The following SPTLC1 variants were observed in gnomAD, a reference collection of about 807,000 sequenced individuals.
SPTLC1 encodes serine palmitoyltransferase 1.
Under a neutral mutation model 68.9 loss-of-function variants are expected in SPTLC1, and 55 were observed. The ratio of observed to expected loss-of-function variants is 0.80; its 90% CI spans 0.64 to 1.00. The LOEUF (loss-of-function observed/expected upper bound fraction) is 1.00. SPTLC1 is among the 50% of genes least tolerant of loss of function. The probability of loss-of-function intolerance (pLI) is 0.00; values close to 1 mark genes in which losing one functional copy is unlikely to be tolerated. For synonymous variants in SPTLC1, 197 were observed against 201.6 expected, an observed-to-expected ratio of 0.98 and a Z score of 0.19; for missense variants, 449 against 573.1, an observed-to-expected ratio of 0.78 and a Z score of 2.21.
At chr9:92,051,258 T>C (rs1833695105) in intron 8 of SPTLC1, 8 of 984,898 alleles carry the variant, frequency 8.1e-6, no homozygotes, top group Non-Finnish European at 9.6e-6. Flanking sequence ...TGAATCCTTA[T>C]TCAATTAATA....
intron 12 of SPTLC1, among the ~76,000 whole-genome samples, chr9:92,043,603 C>T (rs1248588171): frequency 6.6e-6 from 1 of 152,166 alleles, no homozygotes; most frequent in African/African-American, 2.4e-5. Context: ...TTCTCACTCA[C>T]CCTGCATATG....
chr9:92,115,101 G>C (rs1304724212), intron 1 of SPTLC1: 4 of 600,842 alleles, frequency 6.7e-6, no homozygotes, highest in Admixed American at 2.8e-5. Flanking sequence ...AATTCAAACC[G>C]AGACCCTCAG....
Position 92,032,427 on chromosome 9 carries a change from G to GT in SPTLC1, c.*37dup. 6.2e-7 allele frequency: 1 copy of GT among 1,613,948 alleles called. No individual in the cohort carries two copies. Among genetic ancestry groups the GT allele is most frequent in the East Asian group, 2.2e-5 (1 of 44,876 alleles). On this transcript the variant is annotated 3_prime_UTR_variant, in exon 15 of 15. Coordinates refer to ENST00000262554, the MANE Select transcript of SPTLC1 (RefSeq NM_006415.4). ...AGCGGGAGTCTTGAGTCCTCTCTGC[G>GT]TGTTGTGTGGCAGGAGGCCATGGTC...
intron 8 of SPTLC1, chr9:92,050,898 G>T: frequency 1.4e-6 from 1 of 693,820 alleles, no homozygotes; most frequent in Non-Finnish European, 1.7e-6. Context: ...CTGCAGCCTT[G>T]ACCTCCTGGG....
At chr9:92,074,419 T>C (rs2118642167) in intron 5 of SPTLC1, among the ~76,000 whole-genome samples, 1 of 152,218 alleles carries the variant, frequency 6.6e-6, no homozygotes, top group South Asian at 2.1e-4. Flanking sequence ...TGACTATTCC[T>C]GGACTACAGC....
intron 3 of SPTLC1, among the ~76,000 whole-genome samples, chr9:92,082,627 T>C (rs955951518): frequency 2.8e-4 from 43 of 151,956 alleles, no homozygotes; most frequent in Non-Finnish European, 4.7e-4. Flanking sequence ...ATTTTCTTAA[T>C]CCAGTCTATC....
At position 92,087,337 on chromosome 9, in the gene SPTLC1, A is replaced by G. The variant is rs1296261444; in HGVS notation, c.261-6374T>C. 9.9e-5 allele frequency among the ~76,000 whole-genome samples: 15 copies of G among 152,234 alleles called. No individual in the cohort carries two copies. The East Asian group carries it at 2.5e-3, about 25-fold the overall frequency. ...AGGCTCTCTGCTTTTTAGAGTTTCCAGTTTTTCTGCTCTGTTTTTTCCCCA... is the reference window on the plus strand; with the variant it reads ...AGGCTCTCTGCTTTTTAGAGTTTCCGGTTTTTCTGCTCTGTTTTTTCCCCA... On this transcript the variant is annotated intron_variant, in intron 3 of 14. Coordinates refer to ENST00000262554, the MANE Select transcript of SPTLC1 (RefSeq NM_006415.4).
intron 6 of SPTLC1, among the ~76,000 whole-genome samples, chr9:92,062,146 C>A (rs1348383064): frequency 6.6e-6 from 1 of 151,970 alleles, no homozygotes; most frequent in Non-Finnish European, 1.5e-5. Context: ...TTTATACACA[C>A]AACTATGTAA....
intron 9 of SPTLC1, 127 bp downstream of exon 9, chr9:92,049,833 C>T: frequency 4.0e-6 from 3 of 759,284 alleles, no homozygotes; most frequent in Admixed American, 1.9e-5. Flanking sequence ...GTGACAGACA[C>T]CAAAGTTTCG....
In SPTLC1 at chr9:92,080,047, A is replaced by T. The variant is rs202190439; in HGVS notation, c.396T>A (p.Thr132=). ...TGCCATAAAATCCTCTGGGTCCACA[A>T]GTCCCCACGCCATACTTCTTTAGAG... ...LASLKKYGVG[T]CGPRGFYGTF... is the part of the protein sequence containing the mutation. The change falls in exon 5 of 15, where the codon ACT becomes ACA. Residue 132 remains threonine (T), a synonymous_variant. Transcript: ENST00000262554. 1.9e-6 allele frequency: 3 copies of T among 1,614,134 alleles called. No individual in the cohort carries two copies. The highest frequency in any genetic ancestry group is 4.5e-5 in the East Asian group (2 of 44,882).
chr9:92,064,172 C>A (rs1041387279), intron 6 of SPTLC1, among the ~76,000 whole-genome samples: 1 of 152,148 alleles, frequency 6.6e-6, no homozygotes, highest in Non-Finnish European at 1.5e-5. Context: ...GCTCAGCACA[C>A]AAAAAATCCA....
intron 12 of SPTLC1, among the ~76,000 whole-genome samples, chr9:92,040,408 AC>A (rs1051373664): frequency 1.2e-4 from 19 of 152,048 alleles, no homozygotes; most frequent in African/African-American, 3.6e-4. Flanking sequence ...AACAAAAAAA[AC>A]AACAAAAAAA....
intron 3 of SPTLC1, among the ~76,000 whole-genome samples, chr9:92,107,122 G>T (rs60920634): frequency 0.015 from 2,237 of 152,242 alleles, 63 homozygotes; most frequent in African/African-American, 0.052. Flanking sequence ...TAAACTCACA[G>T]TGAAGAAGGG....
rs1462565691 is a variant in SPTLC1, at chr9:92,052,827, C to T, written c.780+2578G>A. Among the ~76,000 whole-genome samples the T allele has an allele frequency of 9.2e-5, 14 of 151,980 alleles. No individual in the cohort carries two copies. The South Asian group carries it at 1.5e-3, about 16-fold the overall frequency. On this transcript the variant is annotated intron_variant, in intron 8 of 14. Coordinates refer to ENST00000262554, the MANE Select transcript of SPTLC1 (RefSeq NM_006415.4). The stretch of plus-strand genomic sequence containing the variant: ...GATTACAGGCGTGAGCCACCGTGCC[C>T]GGCCAGATTAAACAAAGATTTTAAA...
In SPTLC1 at chr9:92,031,561, TTC is replaced by T. The variant is rs1418457932; in HGVS notation, c.*902_*903del. 1.3e-5 allele frequency: 2 copies of T among 152,144 alleles called. No homozygotes were observed. Among genetic ancestry groups the T allele is most frequent in the African/African-American group, 4.8e-5 (2 of 41,442 alleles). 9.4% of individuals were successfully genotyped at this position (152,144 alleles called of 1,614,324 possible). ...GGAATTTGTAAGATGAAAAGAAAAATTCTCTTTTTCCTTGGCTTAGTAAAAGC... is the reference window on the plus strand; with the variant it reads ...GGAATTTGTAAGATGAAAAGAAAAATTCTTTTTCCTTGGCTTAGTAAAAGC... On this transcript the variant is annotated 3_prime_UTR_variant, in exon 15 of 15. Transcript: ENST00000262554.
At chr9:92,071,647 G>C (rs562067524) in intron 5 of SPTLC1, among the ~76,000 whole-genome samples, 17 of 152,286 alleles carry the variant, frequency 1.1e-4, no homozygotes, top group African/African-American at 4.1e-4. Context: ...GCAGATCTAG[G>C]AATTTTATGA....
rs1832959064 is a variant in SPTLC1, at chr9:92,031,291, A to T, written c.*1174T>A. ...CAAGCAAAATAGAAACTGAACATTC[A>T]AAAAGTATGTGTTGTTTAAAAAGAT... On this transcript the variant is annotated 3_prime_UTR_variant, in exon 15 of 15. Transcript: ENST00000262554. 1 of 152,652 alleles carries T rather than the reference A, an allele frequency of 6.6e-6. No individual in the cohort carries two copies. Among genetic ancestry groups the T allele is most frequent in the Admixed American group, 6.5e-5 (1 of 15,288 alleles). 9.5% of individuals were successfully genotyped at this position (152,652 alleles called of 1,614,324 possible). A position where few individuals can be genotyped will look rare whatever the true frequency, so the allele number is the denominator to read the frequency against.
At chr9:92,052,563 T>C (rs1385911832) in intron 8 of SPTLC1, among the ~76,000 whole-genome samples, 2 of 151,746 alleles carry the variant, frequency 1.3e-5, no homozygotes, top group Non-Finnish European at 2.9e-5. Flanking sequence ...AGAGTCTCGC[T>C]CTGTTGCCCA....
At chr9:92,057,995 C>CA (rs1340913823) in intron 7 of SPTLC1, among the ~76,000 whole-genome samples, 1 of 152,136 alleles carries the variant, frequency 6.6e-6, no homozygotes, top group East Asian at 1.9e-4. Context: ...CAATACTAGG[C>CA]AAAACAAATG....
Sources: allele counts gnomAD v4.1 joint callset (sites outside exome capture counted in the v4.1 genomes callset), GRCh38; gene constraint gnomAD v4.1.1; transcripts MANE v1.5; gene names NCBI Gene and HGNC (gene_info 2026-07-23, HGNC 2026-07-21).